The following TBX20 variants were observed in gnomAD, a reference collection of about 807,000 sequenced individuals.
TBX20 encodes the protein T-box transcription factor TBX20.
In TBX20, 8 loss-of-function variants were observed where a neutral mutation model predicts 42.9. The ratio of observed to expected loss-of-function variants is 0.19; its 90% CI spans 0.11 to 0.34. The LOEUF is 0.34. Ranked by LOEUF, TBX20 falls within the 10% of genes least tolerant of loss-of-function variation. TBX20 has a pLI of 1.00. For missense variants in TBX20, 411 were observed against 566.0 expected (o/e 0.73, Z 2.78); for synonymous variants, 198 against 222.8 (o/e 0.89, Z 0.99).
chr7:35,240,046 G>T (rs1790045737), intron 5 of TBX20, among the ~76,000 whole-genome samples: 1 of 152,106 alleles, frequency 6.6e-6, no homozygotes, highest in African/African-American at 2.4e-5. Flanking sequence ...CACCGCACCT[G>T]GCCAAAAATG....
chr7:35,220,480 A>G (rs569812185), intron 6 of TBX20, among the ~76,000 whole-genome samples: 1 of 152,342 alleles, frequency 6.6e-6, no homozygotes, highest in South Asian at 2.1e-4. Flanking sequence ...GGGTAGCCAC[A>G]TCAATGCCAG....
intron 6 of TBX20, among the ~76,000 whole-genome samples, chr7:35,219,507 G>A (rs185338946): frequency 1.9e-3 from 286 of 152,310 alleles, no homozygotes; most frequent in African/African-American, 6.4e-3. Flanking sequence ...GCTTTAGGCT[G>A]TACCCAGCAG....
At chr7:35,208,345 T>A (rs2128710189) in intron 6 of TBX20, among the ~76,000 whole-genome samples, 2 of 152,346 alleles carry the variant, frequency 1.3e-5, no homozygotes, top group South Asian at 4.1e-4. Flanking sequence ...TCACGATGCC[T>A]GTACACAAAG....
At chr7:35,222,142 G>T (rs1789694189) in intron 6 of TBX20, among the ~76,000 whole-genome samples, 1 of 152,220 alleles carries the variant, frequency 6.6e-6, no homozygotes, top group African/African-American at 2.4e-5. Flanking sequence ...TGGGTTTAAG[G>T]TTCAGCTATC....
chr7:35,250,059 A>G lies in TBX20; in HGVS notation c.272T>C (p.Ile91Thr). Residue 91 changes from isoleucine to threonine, a missense_variant, in exon 2 of 8, where the codon ATC becomes ACC. Physicochemically the swap from Ile to Thr is moderately conservative, Grantham distance 89. Coordinates refer to ENST00000408931, the MANE Select transcript of TBX20 (RefSeq NM_001077653.2). ...CTEPLIPTTP[I>T]IPSEEMAKIA... is the part of the protein sequence containing the mutation. ...TTTGGCCATTTCCTCACTGGGGATG[A>G]TGGGGGTGGTGGGGATCAGTGGCTC... is the stretch of plus-strand genomic sequence containing the variant. 6.2e-7 allele frequency: 1 copy of G among 1,613,924 alleles called. No individual in the cohort carries two copies. Among genetic ancestry groups the G allele is most frequent in the African/African-American group, 1.3e-5 (1 of 74,978 alleles).
intron 6 of TBX20, among the ~76,000 whole-genome samples, chr7:35,212,202 C>T (rs1789508497): frequency 6.6e-6 from 1 of 152,150 alleles, no homozygotes; most frequent in African/African-American, 2.4e-5. Flanking sequence ...TGTCTATCTG[C>T]CACTAATCCC....
chr7:35,206,037 A>G (rs575723060), intron 6 of TBX20, among the ~76,000 whole-genome samples: 1 of 152,254 alleles, frequency 6.6e-6, no homozygotes, highest in Non-Finnish European at 1.5e-5. Flanking sequence ...GTATGTTCAT[A>G]TATGCCTGCA....
chr7:35,227,592 GC>G (rs1789796868), intron 6 of TBX20, among the ~76,000 whole-genome samples: 2 of 152,104 alleles, frequency 1.3e-5, no homozygotes, highest in South Asian at 4.1e-4. Context: ...ATACCAAATA[GC>G]CTACGTGTGT....
chr7:35,218,401 T>G (rs1266758761), intron 6 of TBX20, among the ~76,000 whole-genome samples: 2 of 151,996 alleles, frequency 1.3e-5, no homozygotes, highest in Non-Finnish European at 2.9e-5. Context: ...GCAAGTCACT[T>G]GAGCTCCTGG....
At chr7:35,229,026 A>C (rs1789824250) in intron 6 of TBX20, among the ~76,000 whole-genome samples, 1 of 152,176 alleles carries the variant, frequency 6.6e-6, no homozygotes, top group Non-Finnish European at 1.5e-5. Flanking sequence ...GTGTAGCTGT[A>C]GAAGGATTAA....
At position 35,202,742 on chromosome 7, in the gene TBX20, CAAATTATCAGATGTTGTA is replaced by C. The variant is rs1789326569; in HGVS notation, c.1014_1031del (p.Phe338_Asn343del). The C allele has an allele frequency of 6.4e-7, 1 of 1,565,576 alleles. No individual in the cohort carries two copies. Among genetic ancestry groups the C allele is most frequent in the Non-Finnish European group, 8.7e-7 (1 of 1,155,304 alleles). On this transcript the variant is annotated inframe_deletion, in exon 8 of 8. Transcript: ENST00000408931. ...AAGATGATACCCAGGAGCTGAGAGA[CAAATTATCAGATGTTGTA>C]AAGGCTGACCCTGTAAGGAAAAACA...
chr7:35,208,726 G>A (rs1789442311), intron 6 of TBX20, among the ~76,000 whole-genome samples: 1 of 88,318 alleles, frequency 1.1e-5, no homozygotes, highest in South Asian at 4.0e-4. Context: ...TGGGCAACAA[G>A]AGCGAAACTC....
rs377570351 is a variant in TBX20 at position 35,202,516 on chromosome 7, G to A, written c.1258C>T (p.Arg420Ter). The change falls in exon 8 of 8, where the codon CGA becomes TGA. Residue 420 changes from arginine (R) to a stop codon, truncating the protein, a stop_gained. Transcript: ENST00000408931. LOFTEE classifies it high-confidence loss of function. ...GPTFPSFHMP[R>*]YHHYFQQGPY... ...CCCTGCTGAAAATAGTGATGGTATC[G>A]CGGCATGTGGAATGAAGGGAATGTG... 3 of 1,611,396 alleles carry A rather than the reference G, an allele frequency of 1.9e-6. No individual in the cohort carries two copies. Among genetic ancestry groups the A allele is most frequent in the African/African-American group, 1.3e-5 (1 of 74,852 alleles).
At chr7:35,218,656 AT>A (rs1326941309) in intron 6 of TBX20, among the ~76,000 whole-genome samples, 1 of 149,914 alleles carries the variant, frequency 6.7e-6, no homozygotes, top group Admixed American at 6.6e-5. Context: ...CAGGATTATA[AT>A]ATTATAATAT....
At chr7:35,242,614 T>C (rs1401687488) in intron 4 of TBX20, among the ~76,000 whole-genome samples, 4 of 152,044 alleles carry the variant, frequency 2.6e-5, no homozygotes, top group Non-Finnish European at 4.4e-5. Context: ...AGCCCTAAGC[T>C]TTAAATAAGC....
chr7:35,231,317 A>G (rs1789861898), intron 6 of TBX20, among the ~76,000 whole-genome samples, 187 bp downstream of exon 6: 1 of 152,188 alleles, frequency 6.6e-6, no homozygotes, highest in African/African-American at 2.4e-5. Flanking sequence ...TTAAGCATAT[A>G]ATAGATCCAG....
intron 4 of TBX20, among the ~76,000 whole-genome samples, chr7:35,241,561 A>G (rs1278280233): frequency 2.6e-5 from 4 of 152,214 alleles, no homozygotes; most frequent in Non-Finnish European, 5.9e-5. Context: ...CATCTCCCCA[A>G]TTCCTAGTTT....
At chr7:35,250,476 A>C (rs1790285116) in intron 1 of TBX20, among the ~76,000 whole-genome samples, 3 of 152,214 alleles carry the variant, frequency 2.0e-5, no homozygotes, top group Admixed American at 2.0e-4. Context: ...GGAAATAAAA[A>C]TGTAAGAGTG....
chr7:35,210,305 C>A (rs922666043), intron 6 of TBX20, among the ~76,000 whole-genome samples: 1 of 151,590 alleles, frequency 6.6e-6, no homozygotes, highest in African/African-American at 2.4e-5. Flanking sequence ...TTAGTAGAGA[C>A]CGGGTTTCAC....
Sources: allele counts gnomAD v4.1 joint callset (sites outside exome capture counted in the v4.1 genomes callset), GRCh38; gene constraint gnomAD v4.1.1; transcripts MANE v1.5; gene names NCBI Gene and HGNC (gene_info 2026-07-23, HGNC 2026-07-21).